Variants in KCND2 observed in about 807,000 individuals in gnomAD.
KCND2 encodes the protein A-type voltage-gated potassium channel KCND2.
KCND2 carries 16 observed loss-of-function variants against 54.4 expected under a neutral mutation model. That is an observed-to-expected ratio of 0.29 (90% CI 0.20 to 0.45). The LOEUF is 0.45. Among genes scored for constraint, KCND2 ranks in the 20% least tolerant of loss-of-function variants. The probability of loss-of-function intolerance (pLI) is 1.00; values close to 1 mark genes in which losing one functional copy is unlikely to be tolerated. For synonymous variants in KCND2, 317 were observed against 310.7 expected (o/e 1.02, Z -0.21); for missense variants, 486 against 824.2 (o/e 0.59, Z 5.02).
chr7:120,525,218 G>A (rs1051155739), intron 1 of KCND2, among the ~76,000 whole-genome samples: 1 of 152,044 alleles, frequency 6.6e-6, no homozygotes, highest in Non-Finnish European at 1.5e-5. Context: ...CCAATCACTT[G>A]AACATTCTTA....
At chr7:120,290,775 A>T (rs926303820) in intron 1 of KCND2, among the ~76,000 whole-genome samples, 1 of 152,010 alleles carries the variant, frequency 6.6e-6, no homozygotes, top group Non-Finnish European at 1.5e-5. Context: ...AACTTTATTA[A>T]AATTTGGATG....
intron 1 of KCND2, among the ~76,000 whole-genome samples, chr7:120,483,215 G>A (rs1802631845): frequency 1.3e-5 from 2 of 152,120 alleles, no homozygotes; most frequent in African/African-American, 4.8e-5. Flanking sequence ...TAAAAATAAT[G>A]TGTTATTTGT....
In KCND2 at chr7:120,279,628, C is replaced by G. The variant is rs1799233186; in HGVS notation, c.1115+3881C>G. Among the ~76,000 whole-genome samples, 4 of 151,906 alleles carry G rather than the reference C, an allele frequency of 2.6e-5. 1 individual carries two copies. The highest frequency in any genetic ancestry group is 2.6e-4 in the Admixed American group (4 of 15,254). ...CAAATACGGTGGCGTTACATCTTTG[C>G]TGCCAGAAAACTTAGCATAATTGCC... On this transcript the variant is annotated intron_variant, in intron 1 of 5. Transcript: ENST00000331113.
At position 120,278,614 on chromosome 7, in the gene KCND2, A is replaced by T. The variant is rs1226052286; in HGVS notation, c.1115+2867A>T. Among the ~76,000 whole-genome samples the T allele has an allele frequency of 2.0e-5, 3 of 151,644 alleles. No individual in the cohort carries two copies. The East Asian group carries it at 5.8e-4, about 29-fold the overall frequency. On this transcript the variant is annotated intron_variant, in intron 1 of 5. Transcript: ENST00000331113. ...TTCTAGAGTATTTTAGACAATATTCAGTTGGTTTTATGATCTAAAGAACTG... is the reference window on the plus strand; with the variant it reads ...TTCTAGAGTATTTTAGACAATATTCTGTTGGTTTTATGATCTAAAGAACTG...
At chr7:120,344,987 G>A (rs1163834561) in intron 1 of KCND2, among the ~76,000 whole-genome samples, 1 of 152,144 alleles carries the variant, frequency 6.6e-6, no homozygotes, top group Non-Finnish European at 1.5e-5. Flanking sequence ...CAAAATGGTG[G>A]CCCAAAGGAA....
intron 1 of KCND2, among the ~76,000 whole-genome samples, chr7:120,345,236 C>T (rs189188428): frequency 1.5e-4 from 23 of 152,262 alleles, no homozygotes; most frequent in Admixed American, 1.3e-3. Flanking sequence ...ATTAAAAATA[C>T]TGAAATTTGA....
At chr7:120,358,683 G>A (rs1187414782) in intron 1 of KCND2, among the ~76,000 whole-genome samples, 1 of 152,004 alleles carries the variant, frequency 6.6e-6, no homozygotes, top group Non-Finnish European at 1.5e-5. Flanking sequence ...ATTTCCCTTT[G>A]TGAATGCAGT....
intron 1 of KCND2, among the ~76,000 whole-genome samples, chr7:120,375,408 A>G (rs1403232764): frequency 1.3e-5 from 2 of 152,002 alleles, no homozygotes; most frequent in African/African-American, 2.4e-5. Flanking sequence ...ACCAGGTGGC[A>G]TAATGCTTAT....
At chr7:120,499,616 C>G (rs1364741972) in intron 1 of KCND2, among the ~76,000 whole-genome samples, 1 of 152,088 alleles carries the variant, frequency 6.6e-6, no homozygotes, top group African/African-American at 2.4e-5. Flanking sequence ...ATACTTTTCT[C>G]AGTCTACTCC....
At chr7:120,470,217 G>A (rs960722235) in intron 1 of KCND2, among the ~76,000 whole-genome samples, 1 of 152,084 alleles carries the variant, frequency 6.6e-6, no homozygotes, top group Non-Finnish European at 1.5e-5. Context: ...GGCTTGAATA[G>A]CACCTTTCAC....
At chr7:120,439,887 T>G (rs973696920) in intron 1 of KCND2, among the ~76,000 whole-genome samples, 4 of 152,126 alleles carry the variant, frequency 2.6e-5, no homozygotes, top group Admixed American at 2.6e-4. Flanking sequence ...CTACACTTTA[T>G]CCCTTCATCT....
intron 1 of KCND2, among the ~76,000 whole-genome samples, chr7:120,473,857 A>G (rs781344573): frequency 3.9e-5 from 6 of 152,136 alleles, no homozygotes; most frequent in South Asian, 2.1e-4. Flanking sequence ...ATATACTGGG[A>G]GAGAAAGGAG....
intron 1 of KCND2, among the ~76,000 whole-genome samples, chr7:120,484,476 A>G (rs1237791200): frequency 6.6e-6 from 1 of 150,618 alleles, no homozygotes; most frequent in Non-Finnish European, 1.5e-5. Flanking sequence ...ATTATATAAT[A>G]CAAATATTTT....
At chr7:120,426,227 T>C (rs1801703986) in intron 1 of KCND2, among the ~76,000 whole-genome samples, 1 of 152,120 alleles carries the variant, frequency 6.6e-6, no homozygotes, top group Admixed American at 6.5e-5. Context: ...AAATTTAAAA[T>C]ATATTTTACA....
Position 120,746,000 on chromosome 7 carries a change from G to A in KCND2, c.1688G>A (p.Cys563Tyr), listed in dbSNP as rs754878775. The change falls in exon 5 of 6, where the codon TGT becomes TAT. Residue 563 changes from cysteine (C) to tyrosine (Y), a missense_variant. By Grantham distance (194) the Cys-to-Tyr change is radical (BLOSUM62 -2). Transcript: ENST00000331113. ...IQELSTIQIR[C>Y]VERTPLSNSR... The stretch of plus-strand genomic sequence containing the variant: ...GAACTCAGCACGATTCAGATCAGAT[G>A]TGTGGAGAGAACACCTCTGTCTAAC... 2 of 1,613,514 alleles carry A rather than the reference G, an allele frequency of 1.2e-6. No homozygotes were observed. The highest frequency in any genetic ancestry group is 1.7e-6 in the Non-Finnish European group (2 of 1,179,716).
chr7:120,497,087 A>G lies in KCND2; in HGVS notation c.1115+221340A>G, dbSNP rs150132110. Among the ~76,000 whole-genome samples the G allele has an allele frequency of 1.4e-4, 21 of 152,360 alleles. No homozygotes were observed. In the East Asian group the frequency reaches 4.0e-3, roughly 29 times the overall value. On this transcript the variant is annotated intron_variant, in intron 1 of 5. Coordinates refer to ENST00000331113, the MANE Select transcript of KCND2 (RefSeq NM_012281.3). ...CTATAATAACATCCTTTCTCTGATA[A>G]GTGTTATGTGTAGCATATAAAAATA...
Position 120,604,293 on chromosome 7 carries a change from G to A in KCND2, c.1116-128610G>A, listed in dbSNP as rs533375982. On this transcript the variant is annotated intron_variant, in intron 1 of 5. Transcript: ENST00000331113. ...GAGGCAGGTGGATTACCTGAGGTCAGGAGTTCGAGACCAGCCTGGCCAACA... is the reference window on the plus strand; with the variant it reads ...GAGGCAGGTGGATTACCTGAGGTCAAGAGTTCGAGACCAGCCTGGCCAACA... 9.3e-4 allele frequency among the ~76,000 whole-genome samples: 138 copies of A among 148,932 alleles called. 1 individual carries two copies. The Middle Eastern group carries it at 0.014, about 15-fold the overall frequency.
At chr7:120,723,629 G>T (rs66991218) in intron 1 of KCND2, among the ~76,000 whole-genome samples, 7 of 152,000 alleles carry the variant, frequency 4.6e-5, no homozygotes, top group Admixed American at 2.0e-4. Flanking sequence ...GAGGCTGAAG[G>T]TTCCCTTGAG....
chr7:120,604,653 C>T (rs1045859036), intron 1 of KCND2, among the ~76,000 whole-genome samples: 4 of 151,534 alleles, frequency 2.6e-5, no homozygotes, highest in Middle Eastern at 3.4e-3. Flanking sequence ...TTCTTGCATT[C>T]CTGTGTCTTG....
Sources: gnomAD v4.1 joint callset for allele counts (sites outside exome capture counted in the v4.1 genomes callset) on GRCh38, gnomAD v4.1.1 for gene constraint, MANE v1.5 for transcripts, NCBI Gene and HGNC (gene_info 2026-07-23, HGNC 2026-07-21) for gene names.